Variants in KMT2E observed in about 807,000 individuals in gnomAD.
The protein encoded by KMT2E is histone reader KMT2E.
KMT2E carries 30 observed loss-of-function variants against 184.6 expected under a neutral mutation model. The observed-to-expected ratio is 0.16, with a 90% CI of 0.12 to 0.22. The LOEUF is 0.22. Ranked by LOEUF, KMT2E falls within the 10% of genes least tolerant of loss-of-function variation. The probability of loss-of-function intolerance (pLI) is 1.00; values close to 1 mark genes in which losing one functional copy is unlikely to be tolerated. For synonymous variants in KMT2E, 815 were observed against 776.5 expected (o/e 1.05, Z -0.82); for missense variants, 2,023 against 2,237.4 (o/e 0.90, Z 1.93).
chr7:105,097,476 C>T (rs1368010070), intron 15 of KMT2E, among the ~76,000 whole-genome samples: 3 of 152,136 alleles, frequency 2.0e-5, no homozygotes, highest in African/African-American at 4.8e-5. Context: ...ACCTCTGCCT[C>T]CCGGGTTCAA....
At chr7:105,050,697 C>G (rs796883976) in intron 3 of KMT2E, among the ~76,000 whole-genome samples, 4 of 121,494 alleles carry the variant, frequency 3.3e-5, no homozygotes, top group Non-Finnish European at 7.0e-5. Context: ...TTCTCTTTCT[C>G]TCTTTCTCTC....
intron 13 of KMT2E, among the ~76,000 whole-genome samples, chr7:105,085,910 G>C (rs1797944204): frequency 6.6e-6 from 1 of 152,084 alleles, no homozygotes; most frequent in Non-Finnish European, 1.5e-5. Flanking sequence ...CTGACCTCAT[G>C]GTCCGCCCGC....
chr7:105,056,316 G>C (rs1584737280), intron 3 of KMT2E, among the ~76,000 whole-genome samples: 2 of 152,128 alleles, frequency 1.3e-5, no homozygotes, highest in African/African-American at 4.8e-5. Context: ...CACACAGAGA[G>C]GTACAGTTTA....
Position 105,061,533 on chromosome 7 carries a change from A to AGGCC in KMT2E, c.72-630_72-627dup, listed in dbSNP as rs1447761612. Among the ~76,000 whole-genome samples, 3 of 152,316 alleles carry AGGCC rather than the reference A, an allele frequency of 2.0e-5. No homozygotes were observed. In the East Asian group the frequency reaches 5.8e-4, roughly 29 times the overall value. ...GGGAAAGTGATGTATGTAAAATGCTAGGCCAGGGAGCTTGTAAGTCAACAA... is the reference window on the plus strand; with the variant it reads ...GGGAAAGTGATGTATGTAAAATGCTAGGCCGGCCAGGGAGCTTGTAAGTCAACAA... On this transcript the variant is annotated intron_variant, in intron 3 of 26. Transcript: ENST00000311117.
intron 17 of KMT2E, chr7:105,103,891 G>C (rs890530617): frequency 7.1e-6 from 1 of 139,910 alleles, no homozygotes; most frequent in Non-Finnish European, 1.5e-5. Context: ...GCAGTGGTGT[G>C]ATCTCGGCTC....
chr7:105,110,838 T>A lies in KMT2E; in HGVS notation c.4038T>A (p.Asn1346Lys), dbSNP rs757941682. Reference sequence around the variant, plus strand: ...GTCCATCCCCAGATACTTCTCAAAATACTTGTAAAAGTCCTCCAAAAATGA... The same window carrying A: ...GTCCATCCCCAGATACTTCTCAAAAAACTTGTAAAAGTCCTCCAAAAATGA... The part of the protein sequence containing the change: ...NECPSPDTSQ[N>K]TCKSPPKMSK... Residue 1346 changes from asparagine (N) to lysine (K), a missense_variant, in exon 26 of 27, where the codon AAT becomes AAA. Transcript: ENST00000311117. 12 of 1,613,892 alleles carry A rather than the reference T, an allele frequency of 7.4e-6. No homozygotes were observed. The highest frequency in any genetic ancestry group is 1.0e-5 in the Non-Finnish European group (12 of 1,179,874).
chr7:105,093,298 T>C (rs1359487172), intron 15 of KMT2E, among the ~76,000 whole-genome samples: 1 of 152,214 alleles, frequency 6.6e-6, no homozygotes, highest in African/African-American at 2.4e-5. Flanking sequence ...TAAAAACATT[T>C]GTATGGGGCT....
chr7:105,106,816 G>C (rs1190809742), intron 20 of KMT2E, 44 bp downstream of exon 20: 1 of 1,585,378 alleles, frequency 6.3e-7, no homozygotes, highest in African/African-American at 1.4e-5. Flanking sequence ...CACTTGGGGG[G>C]ATGGAATTTC....
chr7:105,097,815 G>A (rs758077876), intron 15 of KMT2E, among the ~76,000 whole-genome samples: 13 of 152,196 alleles, frequency 8.5e-5, no homozygotes, highest in South Asian at 2.1e-4. Context: ...TAAGTAACGT[G>A]ATACGTGCTT....
Position 105,109,001 on chromosome 7 carries a change from A to G in KMT2E, c.3528A>G (p.Thr1176=). ...QREARKSGSK[T]ENFPLISVSP... Reference sequence around the variant, plus strand: ...AAGCTAGGAAAAGTGGCTCTAAGACAGAGAACTTTCCACTCATTAGTGTAT... The same window carrying G: ...AAGCTAGGAAAAGTGGCTCTAAGACGGAGAACTTTCCACTCATTAGTGTAT... The change falls in exon 23 of 27, where the codon ACA becomes ACG. Residue 1176 remains threonine (T), a synonymous_variant. Transcript: ENST00000311117. 2 of 1,614,164 alleles carry G rather than the reference A, an allele frequency of 1.2e-6. No individual in the cohort carries two copies. The highest frequency in any genetic ancestry group is 8.5e-7 in the Non-Finnish European group (1 of 1,179,990).
At chr7:105,089,262 A>G (rs1274532276) in intron 13 of KMT2E, 1 of 418,920 alleles carries the variant, frequency 2.4e-6, no homozygotes. Flanking sequence ...GCAGTGGCAC[A>G]ATCTTGGCTC....
chr7:105,074,878 G>A, intron 8 of KMT2E, 63 bp downstream of exon 8: 1 of 1,155,710 alleles, frequency 8.7e-7, no homozygotes, highest in Admixed American at 3.2e-5. Flanking sequence ...GAATTTTATA[G>A]GAGAGGCAGG....
At chr7:105,059,236 C>T (rs552192570) in intron 3 of KMT2E, among the ~76,000 whole-genome samples, 7 of 152,264 alleles carry the variant, frequency 4.6e-5, no homozygotes, top group Non-Finnish European at 1.0e-4. Flanking sequence ...CCAAAATATC[C>T]AAGTTTTGCC....
chr7:105,056,140 G>C (rs1286708240), intron 3 of KMT2E, among the ~76,000 whole-genome samples: 3 of 152,084 alleles, frequency 2.0e-5, no homozygotes, highest in Non-Finnish European at 4.4e-5. Context: ...GTCTCCAGGG[G>C]TCTCTGAGCT....
chr7:105,085,044 T>C (rs1273007994), intron 13 of KMT2E, among the ~76,000 whole-genome samples: 1 of 150,352 alleles, frequency 6.7e-6, no homozygotes, highest in East Asian at 1.9e-4. Context: ...AACTTTTTCT[T>C]TTTTTTTTAA....
chr7:105,070,477 T>TAC (rs1229420178), intron 6 of KMT2E, among the ~76,000 whole-genome samples: 1 of 150,744 alleles, frequency 6.6e-6, no homozygotes, highest in African/African-American at 2.4e-5. Context: ...CCAAAAAAAA[T>TAC]ACAAAAATTA....
intron 2 of KMT2E, among the ~76,000 whole-genome samples, 162 bp from the exon 3 acceptor site, chr7:105,040,677 T>A (rs1485141252): frequency 6.6e-6 from 1 of 152,216 alleles, no homozygotes; most frequent in East Asian, 1.9e-4. Context: ...AACTTTTCTT[T>A]TGATCATGAT....
At chr7:105,022,613 A>G (rs1248359497) in intron 1 of KMT2E, among the ~76,000 whole-genome samples, 1 of 152,180 alleles carries the variant, frequency 6.6e-6, no homozygotes, top group Non-Finnish European at 1.5e-5. Flanking sequence ...GAGATTGTAT[A>G]AATATCCACT....
intron 17 of KMT2E, chr7:105,103,782 A>ATG (rs1019468702): frequency 1.3e-5 from 2 of 150,672 alleles, no homozygotes; most frequent in African/African-American, 4.9e-5. Context: ...ATATATATAT[A>ATG]CATATGCACA....
Sources: allele counts gnomAD v4.1 joint callset (sites outside exome capture counted in the v4.1 genomes callset), GRCh38; gene constraint gnomAD v4.1.1; transcripts MANE v1.5; gene names NCBI Gene and HGNC (gene_info 2026-07-23, HGNC 2026-07-21).